STPG2: variants seen among roughly 807,000 people sequenced by gnomAD.
STPG2 encodes the protein sperm tail PG-rich repeat containing 2.
In STPG2, 56 loss-of-function variants were observed where a neutral mutation model predicts 54.2. The observed-to-expected ratio is 1.03, with a 90% CI of 0.83 to 1.29. The LOEUF is 1.29. Among genes scored for constraint, STPG2 ranks in the 50% most tolerant of loss-of-function variants. The probability of loss-of-function intolerance (pLI) is 0.00; values close to 1 mark genes in which losing one functional copy is unlikely to be tolerated. For missense variants in STPG2, 596 were observed against 544.9 expected (o/e 1.09, Z -0.93); for synonymous variants, 200 against 181.8 (o/e 1.10, Z -0.81).
chr4:97,873,852 A>G (rs1379345119), intron 8 of STPG2, among the ~76,000 whole-genome samples: 1 of 151,644 alleles, frequency 6.6e-6, no homozygotes, highest in African/African-American at 2.4e-5. Context: ...TATTCAGTCA[A>G]TAAATAGCCT....
intron 4 of STPG2, among the ~76,000 whole-genome samples, chr4:97,478,883 G>C (rs1266329817): frequency 7.1e-6 from 1 of 141,156 alleles, no homozygotes; most frequent in East Asian, 2.0e-4. Flanking sequence ...ATGTGTGTGT[G>C]TGTGTGTGTG....
In STPG2 at chr4:97,981,308, G is replaced by C; in HGVS notation, c.623C>G (p.Pro208Arg). The C allele has an allele frequency of 6.2e-7, 1 of 1,613,540 alleles. No homozygotes were observed. The highest frequency in any genetic ancestry group is 1.7e-5 in the Admixed American group (1 of 59,922). Residue 208 changes from proline (P) to arginine (R), a missense_variant, in exon 6 of 11, where the codon CCT becomes CGT. Coordinates refer to ENST00000295268, the MANE Select transcript of STPG2 (RefSeq NM_174952.3). ...VLQEKKKRFL[P>R]MKSITPAPGT... ...AGGAGCCGGGGTGATTGATTTCATA[G>C]GTAAAAATCTCTAGTGAAGAACAGG...
chr4:98,029,486 A>G (rs762344832), intron 5 of STPG2, among the ~76,000 whole-genome samples: 1 of 152,182 alleles, frequency 6.6e-6, no homozygotes, highest in Non-Finnish European at 1.5e-5. Context: ...TGATACTAAT[A>G]TAGCCACTAC....
intron 5 of STPG2, among the ~76,000 whole-genome samples, chr4:98,068,591 C>T (rs1466030675): frequency 6.6e-6 from 1 of 152,018 alleles, no homozygotes; most frequent in Admixed American, 6.6e-5. Context: ...CCATTTCTTC[C>T]CTTAGACATG....
At chr4:98,113,919 CA>C (rs112607999) in intron 3 of STPG2, among the ~76,000 whole-genome samples, 4 of 152,012 alleles carry the variant, frequency 2.6e-5, no homozygotes, top group African/African-American at 9.6e-5. Context: ...TGTAGGGGGG[CA>C]GAGACAAATG....
chr4:97,612,763 T>C (rs964180058), intron 10 of STPG2, among the ~76,000 whole-genome samples: 3 of 152,082 alleles, frequency 2.0e-5, no homozygotes, highest in African/African-American at 2.4e-5. Context: ...CAAGTGTAGA[T>C]AGTGTAAATG....
chr4:97,818,440 G>A (rs986649768), intron 9 of STPG2, among the ~76,000 whole-genome samples: 1 of 151,634 alleles, frequency 6.6e-6, no homozygotes, highest in Non-Finnish European at 1.5e-5. Context: ...TAAAAGTTGT[G>A]TGAATATGGT....
chr4:97,727,043 C>G (rs1724646873), intron 9 of STPG2, among the ~76,000 whole-genome samples: 1 of 151,870 alleles, frequency 6.6e-6, no homozygotes, highest in African/African-American at 2.4e-5. Context: ...GGGAATTATA[C>G]TTCATTCTGA....
At chr4:97,772,685 G>A (rs28501282) in intron 9 of STPG2, among the ~76,000 whole-genome samples, 9 of 152,076 alleles carry the variant, frequency 5.9e-5, no homozygotes, top group African/African-American at 7.2e-5. Context: ...ACAAGAAAAA[G>A]TTCTATCTGG....
chr4:98,140,867 C>A (rs1200349603), intron 1 of STPG2, among the ~76,000 whole-genome samples: 1 of 152,050 alleles, frequency 6.6e-6, no homozygotes. Context: ...GTGTTGAAAG[C>A]CGAAAGATTA....
At chr4:97,503,170 C>T (rs781112227) in intron 4 of STPG2, among the ~76,000 whole-genome samples, 77 of 152,016 alleles carry the variant, frequency 5.1e-4, no homozygotes, top group Non-Finnish European at 2.2e-4. Flanking sequence ...TAGAATGGCT[C>T]ATACTGGCTC....
chr4:97,592,795 A>G (rs1733179237), intron 10 of STPG2, among the ~76,000 whole-genome samples: 1 of 152,102 alleles, frequency 6.6e-6, no homozygotes, highest in South Asian at 2.1e-4. Context: ...CCCTCTCACC[A>G]TAGACCACTG....
At chr4:97,970,016 C>T (rs905076158) in intron 7 of STPG2, among the ~76,000 whole-genome samples, 39 of 152,274 alleles carry the variant, frequency 2.6e-4, no homozygotes, top group African/African-American at 9.4e-4. Context: ...ACACCAATAA[C>T]AGACAAACAG....
At chr4:97,542,404 C>T (rs1006841253) in intron 4 of STPG2, among the ~76,000 whole-genome samples, 4 of 152,154 alleles carry the variant, frequency 2.6e-5, no homozygotes, top group African/African-American at 9.7e-5. Flanking sequence ...AAATGGATAT[C>T]AAAACCACAA....
chr4:97,690,085 T>G (rs941368161), intron 10 of STPG2, among the ~76,000 whole-genome samples: 1 of 152,182 alleles, frequency 6.6e-6, no homozygotes, highest in Non-Finnish European at 1.5e-5. Flanking sequence ...GCAATATCAC[T>G]TTATCTAGAC....
At chr4:97,847,208 A>C (rs953723885) in intron 8 of STPG2, among the ~76,000 whole-genome samples, 1 of 152,142 alleles carries the variant, frequency 6.6e-6, no homozygotes, top group African/African-American at 2.4e-5. Flanking sequence ...GGTTCTATAA[A>C]GAAGAAAGGC....
At chr4:97,673,040 T>C (rs1468189621) in intron 10 of STPG2, among the ~76,000 whole-genome samples, 1 of 152,248 alleles carries the variant, frequency 6.6e-6, no homozygotes, top group Non-Finnish European at 1.5e-5. Context: ...GGTACATCTG[T>C]GTTGCTTTTC....
At chr4:97,921,062 A>T (rs1464690374) in intron 8 of STPG2, among the ~76,000 whole-genome samples, 1 of 152,210 alleles carries the variant, frequency 6.6e-6, no homozygotes, top group Admixed American at 6.5e-5. Context: ...CACAGAAATA[A>T]TAAAAGATGC....
chr4:97,726,813 T>TAC (rs746408517), intron 9 of STPG2, among the ~76,000 whole-genome samples: 46 of 141,458 alleles, frequency 3.3e-4, no homozygotes, highest in South Asian at 1.5e-3. Flanking sequence ...AATACAAACA[T>TAC]ACACACACAC....
Sources: gnomAD v4.1 joint callset for allele counts (sites outside exome capture counted in the v4.1 genomes callset) on GRCh38, gnomAD v4.1.1 for gene constraint, MANE v1.5 for transcripts, NCBI Gene and HGNC (gene_info 2026-07-23, HGNC 2026-07-21) for gene names.